Variants in NOX1 observed in about 807,000 individuals in gnomAD.
The protein encoded by NOX1 is NADPH oxidase 1, also known as NADH/NADPH mitogenic oxidase subunit P65-MOX.
NOX1 carries 34 observed loss-of-function variants against 42.5 expected under a neutral mutation model. That is an observed-to-expected ratio of 0.80 (90% CI 0.61 to 1.07). The LOEUF (loss-of-function observed/expected upper bound fraction) is 1.07, where lower values mean the gene tolerates loss of function less well. Among genes scored for constraint, NOX1 ranks in the 50% least tolerant of loss-of-function variants. NOX1 has a pLI of 0.00. For synonymous variants in NOX1, 143 were observed against 152.5 expected (o/e 0.94, Z 0.46); for missense variants, 408 against 427.0 (o/e 0.96, Z 0.39).
rs764751369 is a variant in NOX1 at position 100,856,407 on chromosome X, C to T, written c.805-5082G>A. 18 of 490,665 alleles carry T rather than the reference C, an allele frequency of 3.7e-5. 1 individual carries two copies. Among genetic ancestry groups the T allele is most frequent in the South Asian group, 9.0e-5 (3 of 33,257 alleles). The allele number at this position is 490,665 out of a possible 1,213,427, so 40.4% of individuals were successfully genotyped here. A position where few individuals can be genotyped will look rare whatever the true frequency, so the allele number is the denominator to read the frequency against. On this transcript the variant is annotated intron_variant, in intron 7 of 12. Transcript: ENST00000372966. The stretch of plus-strand genomic sequence containing the variant: ...ATGGAAGGGAGAAGAGAGACTTTAA[C>T]GATGCTTCTTCAGTGGCGTACACGG...
chrX:100,858,678 AT>A (rs896229968), intron 7 of NOX1, among the ~76,000 whole-genome samples: 62 of 109,620 alleles, frequency 5.7e-4, no homozygotes, highest in African/African-American at 2.0e-3. Context: ...TAGGTATTTT[AT>A]TTTTTTTGTG....
In NOX1 at chrX:100,844,200, GTTC is replaced by G. The variant is rs765127386; in HGVS notation, c.1569-125_1569-123del. The stretch of plus-strand genomic sequence containing the variant: ...TAAAAATTCGGTTGTTTACTCCCAC[GTTC>G]TTCATGGTAGTTTTTTAACCTTTTC... On this transcript the variant is annotated intron_variant, in intron 12 of 12. Transcript: ENST00000372966. 4.9e-6 allele frequency: 3 copies of G among 616,391 alleles called. No individual in the cohort carries two copies. In the Admixed American group the frequency reaches 1.2e-4, roughly 25 times the overall value. 50.8% of individuals were successfully genotyped at this position (616,391 alleles called of 1,213,427 possible). A position where few individuals can be genotyped will look rare whatever the true frequency, so the allele number is the denominator to read the frequency against.
At chrX:100,866,701 T>C (rs1202836099) in intron 2 of NOX1, among the ~76,000 whole-genome samples, 2 of 100,738 alleles carry the variant, frequency 2.0e-5, no homozygotes, top group African/African-American at 3.7e-5. Context: ...GGTTTTAAAA[T>C]AGGGATTTAA....
Position 100,862,466 on chromosome X carries a change from A to C in NOX1, c.597T>G (p.Ser199Arg), listed in dbSNP as rs1490717541. 1.2e-5 allele frequency: 14 copies of C among 1,207,004 alleles called. No individual in the cohort carries two copies. In the East Asian group the frequency reaches 4.1e-4, roughly 36 times the overall value. ...VTSATEFIRR[S>R]YFEVFWYTHH... is the part of the protein sequence containing the mutation. ...GAGTATACCAGAAGACTTCAAAATA[A>C]CTCCTCCGGATGAACTCAGTAGCTG... is the stretch of plus-strand genomic sequence containing the variant. Residue 199 changes from serine (S) to arginine (R), a missense_variant, in exon 6 of 13, where the codon AGT (serine) becomes AGG (arginine). Coordinates refer to ENST00000372966, the MANE Select transcript of NOX1 (RefSeq NM_007052.5).
In NOX1 at chrX:100,862,201, C is replaced by T. The variant is rs150704009; in HGVS notation, c.774G>A (p.Arg258=). Reference sequence around the variant, plus strand: ...GGGGATGCCCTTCAAACTTAGGGCGCCTACAGTGGGAGTCACGATCATCCC... The same window carrying T: ...GGGGATGCCCTTCAAACTTAGGGCGTCTACAGTGGGAGTCACGATCATCCC... The part of the protein sequence containing the change: ...EMWDDRDSHC[R]RPKFEGHPPE... Residue 258 remains arginine, a synonymous_variant, in exon 7 of 13, where the codon AGG becomes AGA. Coordinates refer to ENST00000372966, the MANE Select transcript of NOX1 (RefSeq NM_007052.5). 1.7e-5 allele frequency: 20 copies of T among 1,210,146 alleles called. No homozygotes were observed. In the African/African-American group the frequency reaches 3.1e-4, roughly 19 times the overall value.
chrX:100,854,087 G>A (rs1363182245), intron 7 of NOX1, among the ~76,000 whole-genome samples: 3 of 111,093 alleles, frequency 2.7e-5, no homozygotes. Flanking sequence ...AGGTTGCAGT[G>A]AGACAAGATC....
intron 12 of NOX1, among the ~76,000 whole-genome samples, chrX:100,848,318 TTCTC>T (rs769236097): frequency 5.4e-5 from 6 of 110,710 alleles, no homozygotes; most frequent in Non-Finnish European, 1.1e-4. Flanking sequence ...GAGACAGAGT[TTCTC>T]TCTTGTTGCC....
chrX:100,845,294 A>G (rs771456040), intron 12 of NOX1, among the ~76,000 whole-genome samples: 2 of 111,939 alleles, frequency 1.8e-5, no homozygotes, highest in Admixed American at 9.5e-5. Flanking sequence ...AATGTTTCAC[A>G]TAAGTGGAAT....
At chrX:100,860,250 C>CT (rs969175825) in intron 7 of NOX1, among the ~76,000 whole-genome samples, 1 of 111,787 alleles carries the variant, frequency 8.9e-6, no homozygotes. Flanking sequence ...TGTTTCCAGT[C>CT]TTTTTTTCTA....
chrX:100,844,342 T>C (rs1184404139), intron 12 of NOX1, among the ~76,000 whole-genome samples: 1 of 111,964 alleles, frequency 8.9e-6, no homozygotes, highest in Non-Finnish European at 1.9e-5. Context: ...AGTGCCAGAC[T>C]GTGCAGCCAG....
In NOX1 at chrX:100,848,649, T is replaced by C. The variant is rs759954154; in HGVS notation, c.1549A>G (p.Ile517Val). The change falls in exon 12 of 13, where the codon ATA (isoleucine) becomes GTA (valine). Residue 517 changes from isoleucine to valine, a missense_variant. Coordinates refer to ENST00000372966, the MANE Select transcript of NOX1 (RefSeq NM_007052.5). ...ACTTACTTGGGGTGGGAGGTAGCTATTGTAGAAAACTCATTGTCCCACATT... is the reference window on the plus strand; with the variant it reads ...ACTTACTTGGGGTGGGAGGTAGCTACTGTAGAAAACTCATTGTCCCACATT... ...RPMWDNEFST[I>V]ATSHPKSVVG... 2.2e-5 allele frequency: 26 copies of C among 1,208,569 alleles called. No individual in the cohort carries two copies. Among genetic ancestry groups the C allele is most frequent in the Non-Finnish European group, 2.7e-5 (24 of 893,893 alleles).
chrX:100,852,082 A>G (rs1386896784), intron 7 of NOX1, among the ~76,000 whole-genome samples: 7 of 112,789 alleles, frequency 6.2e-5, no homozygotes, highest in South Asian at 3.6e-4. Flanking sequence ...CTACTGGTAC[A>G]TAAAACTCAG....
intron 7 of NOX1, among the ~76,000 whole-genome samples, chrX:100,860,627 ATGT>A (rs1276226900): frequency 9.0e-6 from 1 of 111,397 alleles, no homozygotes; most frequent in Non-Finnish European, 1.9e-5. Flanking sequence ...TCTTTTTATC[ATGT>A]TATTAGGCTT....
In NOX1 at chrX:100,850,456, T is replaced by C. The variant is rs184592109; in HGVS notation, c.898-70A>G. 13 of 681,308 alleles carry C rather than the reference T, an allele frequency of 1.9e-5. No individual in the cohort carries two copies. In the East Asian group the frequency reaches 4.2e-4, roughly 22 times the overall value. The allele number at this position is 681,308 out of a possible 1,213,427, so 56.1% of individuals were successfully genotyped here. On this transcript the variant is annotated intron_variant, in intron 8 of 12. Coordinates refer to ENST00000372966, the MANE Select transcript of NOX1 (RefSeq NM_007052.5). The stretch of plus-strand genomic sequence containing the variant: ...GACAGGGACAGGCAGATAAAGCAAA[T>C]GAGTGAAGCTGGAGGGCTGGTGACA...
chrX:100,843,886 G>A lies in NOX1; in HGVS notation c.*66C>T, dbSNP rs34009592. The A allele has an allele frequency of 1.1e-3, 1,108 of 1,010,643 alleles. 10 individuals carry two copies. In the African/African-American group the frequency reaches 0.019, roughly 17 times the overall value. The allele number at this position is 1,010,643 out of a possible 1,213,427, so 83.3% of individuals were successfully genotyped here. ...CCTAAAGTGACTGCTCAAACCTGACGAGACCAAGTAAATTACTGAAGATAC... is the reference window on the plus strand; with the variant it reads ...CCTAAAGTGACTGCTCAAACCTGACAAGACCAAGTAAATTACTGAAGATAC... On this transcript the variant is annotated 3_prime_UTR_variant, in exon 13 of 13. Coordinates refer to ENST00000372966, the MANE Select transcript of NOX1 (RefSeq NM_007052.5).
chrX:100,853,284 T>C (rs868614446), intron 7 of NOX1, among the ~76,000 whole-genome samples: 3 of 71,353 alleles, frequency 4.2e-5, no homozygotes, highest in African/African-American at 6.3e-5. Context: ...CTTTCTTTCT[T>C]TCTTTCTTTC....
chrX:100,869,800 G>A, intron 2 of NOX1, among the ~76,000 whole-genome samples: 1 of 95,359 alleles, frequency 1.0e-5, no homozygotes, highest in Non-Finnish European at 2.1e-5. Flanking sequence ...CTGTGGGTTT[G>A]TCATAGATAG....
Position 100,867,271 on chromosome X carries a change from C to T in NOX1, c.141+3448G>A, listed in dbSNP as rs766020931. 6.3e-5 allele frequency among the ~76,000 whole-genome samples: 7 copies of T among 111,773 alleles called. No individual in the cohort carries two copies. In the East Asian group the frequency reaches 2.0e-3, roughly 32 times the overall value. ...TCCTGACCTCGTGATCCGCCCGCCTCGGCCTCCCAAAGTGCTGGGATTACA... is the reference window on the plus strand; with the variant it reads ...TCCTGACCTCGTGATCCGCCCGCCTTGGCCTCCCAAAGTGCTGGGATTACA... On this transcript the variant is annotated intron_variant, in intron 2 of 12. Coordinates refer to ENST00000372966, the MANE Select transcript of NOX1 (RefSeq NM_007052.5).
At chrX:100,851,456 C>G in intron 7 of NOX1, 131 bp from the exon 8 acceptor site, 1 of 347,361 alleles carries the variant, frequency 2.9e-6, no homozygotes. Flanking sequence ...CTAATTTCAC[C>G]AAATCTGGAA....
Sources: gnomAD v4.1 joint callset for allele counts (sites outside exome capture counted in the v4.1 genomes callset) on GRCh38, gnomAD v4.1.1 for gene constraint, MANE v1.5 for transcripts, NCBI Gene and HGNC (gene_info 2026-07-23, HGNC 2026-07-21) for gene names.